SPAG16: variants seen among roughly 807,000 people sequenced by gnomAD.
SPAG16 encodes sperm associated antigen 16, also known as sperm-associated antigen 16 protein.
A neutral mutation model predicts 80.4 loss-of-function variants in SPAG16; 86 were observed. The observed-to-expected ratio is 1.07, with a 90% confidence interval of 0.90 to 1.28. The LOEUF (loss-of-function observed/expected upper bound fraction) is 1.28, where lower values mean the gene tolerates loss of function less well. Ranked by LOEUF, SPAG16 falls within the 50% of genes most tolerant of loss-of-function variation. The pLI is 0.00. For synonymous variants in SPAG16, 294 were observed against 265.9 expected, an observed-to-expected ratio of 1.11 and a Z score of -1.03; for missense variants, 870 against 765.3, an observed-to-expected ratio of 1.14 and a Z score of -1.61.
chr2:213,488,861 G>A (rs1428212493), intron 9 of SPAG16, among the ~76,000 whole-genome samples: 1 of 148,230 alleles, frequency 6.7e-6, no homozygotes, highest in East Asian at 1.9e-4. Flanking sequence ...AGGATCACCT[G>A]AGGTAGGGAG....
chr2:214,059,275 T>TATATAA (rs1205112053), intron 13 of SPAG16, among the ~76,000 whole-genome samples: 10 of 146,592 alleles, frequency 6.8e-5, no homozygotes, highest in Non-Finnish European at 9.0e-5. Flanking sequence ...TATATATATA[T>TATATAA]AATCAAGAAT....
At chr2:213,442,795 C>T (rs542453681) in intron 9 of SPAG16, among the ~76,000 whole-genome samples, 1 of 152,198 alleles carries the variant, frequency 6.6e-6, no homozygotes, top group Non-Finnish European at 1.5e-5. Flanking sequence ...AATGAAATTA[C>T]TAAACTATGA....
intron 10 of SPAG16, among the ~76,000 whole-genome samples, chr2:213,791,771 G>A (rs1014333715): frequency 1.3e-5 from 2 of 152,084 alleles, no homozygotes; most frequent in African/African-American, 4.8e-5. Flanking sequence ...ATCATTTAAT[G>A]GAAAGGATTA....
chr2:214,148,129 A>T (rs2055755207), intron 14 of SPAG16, among the ~76,000 whole-genome samples: 1 of 152,204 alleles, frequency 6.6e-6, no homozygotes, highest in African/African-American at 2.4e-5. Context: ...GATGATTTTA[A>T]TGTGGCCAAT....
chr2:213,334,790 G>T (rs2064270550), intron 5 of SPAG16, among the ~76,000 whole-genome samples: 1 of 152,132 alleles, frequency 6.6e-6, no homozygotes, highest in African/African-American at 2.4e-5. Context: ...GTAGAAGGAT[G>T]GTTGCCAGAG....
intron 10 of SPAG16, among the ~76,000 whole-genome samples, chr2:213,610,844 A>T (rs1435152518): frequency 6.6e-6 from 1 of 152,208 alleles, no homozygotes; most frequent in Non-Finnish European, 1.5e-5. Context: ...CTTAATTACT[A>T]TATTTTGCAA....
rs527633953 is a variant in SPAG16 at position 213,913,985 on chromosome 2, C to G, written c.1215-15975C>G. On this transcript the variant is annotated intron_variant, in intron 11 of 15. Coordinates refer to ENST00000331683, the MANE Select transcript of SPAG16 (RefSeq NM_024532.5). ...AATAATCAGCTTTACTCAACATCTA[C>G]TGATTTATGTGTTTATTTCACCTAA... 6.6e-5 allele frequency among the ~76,000 whole-genome samples: 10 copies of G among 152,252 alleles called. No homozygotes were observed. In the South Asian group the frequency reaches 2.1e-3, roughly 32 times the overall value.
At chr2:213,723,872 C>T (rs1311220269) in intron 10 of SPAG16, among the ~76,000 whole-genome samples, 2 of 152,176 alleles carry the variant, frequency 1.3e-5, no homozygotes, top group South Asian at 2.1e-4. Flanking sequence ...GAATGGTCTT[C>T]CCTGTAAATA....
chr2:214,203,434 C>T (rs2058064793), intron 15 of SPAG16, among the ~76,000 whole-genome samples: 1 of 152,114 alleles, frequency 6.6e-6, no homozygotes, highest in Non-Finnish European at 1.5e-5. Context: ...AGAGAATCCA[C>T]AGACCCTTTG....
At chr2:213,798,265 G>GTTTA (rs946201720) in intron 10 of SPAG16, among the ~76,000 whole-genome samples, 3 of 151,810 alleles carry the variant, frequency 2.0e-5, no homozygotes, top group African/African-American at 7.3e-5. Flanking sequence ...TTGTTTGTTT[G>GTTTA]TTTGTTTTGA....
At chr2:213,819,550 CT>C (rs1009452627) in intron 10 of SPAG16, among the ~76,000 whole-genome samples, 128 of 148,100 alleles carry the variant, frequency 8.6e-4, no homozygotes, top group Non-Finnish European at 1.2e-3. Context: ...TCTTTGAAAA[CT>C]TTTTTTTTTT....
intron 15 of SPAG16, among the ~76,000 whole-genome samples, chr2:214,329,047 TG>T (rs1316899643): frequency 3.3e-5 from 5 of 152,216 alleles, no homozygotes; most frequent in African/African-American, 1.2e-4. Context: ...AATGTAACTT[TG>T]TAGCATCATA....
intron 9 of SPAG16, among the ~76,000 whole-genome samples, chr2:213,407,754 A>G (rs996100361): frequency 1.3e-5 from 2 of 149,160 alleles, no homozygotes; most frequent in African/African-American, 2.5e-5. Flanking sequence ...AGAGGCAGAG[A>G]GAGACAGGAG....
At chr2:214,370,734 G>A (rs1258650901) in intron 15 of SPAG16, among the ~76,000 whole-genome samples, 1 of 152,144 alleles carries the variant, frequency 6.6e-6, no homozygotes, top group Non-Finnish European at 1.5e-5. Context: ...CTGGGGTGGA[G>A]GAAATGGAGA....
chr2:213,649,022 GT>G (rs1338595468), intron 10 of SPAG16, among the ~76,000 whole-genome samples: 2 of 152,172 alleles, frequency 1.3e-5, no homozygotes, highest in Non-Finnish European at 2.9e-5. Flanking sequence ...TGTATGTGTT[GT>G]TAGAAGTATA....
chr2:213,354,022 C>A (rs2065485462), intron 7 of SPAG16, among the ~76,000 whole-genome samples: 1 of 152,136 alleles, frequency 6.6e-6, no homozygotes, highest in Non-Finnish European at 1.5e-5. Flanking sequence ...TCTCTTAATG[C>A]TATCCCTGTC....
chr2:213,422,160 T>C (rs2069633988), intron 9 of SPAG16: 1 of 700,054 alleles, frequency 1.4e-6, no homozygotes, highest in African/African-American at 1.7e-5. Flanking sequence ...AGAGAAGAGC[T>C]GTGGCCCTTC....
intron 10 of SPAG16, among the ~76,000 whole-genome samples, chr2:213,841,968 C>A (rs1553642156): frequency 6.6e-6 from 1 of 152,022 alleles, no homozygotes; most frequent in Non-Finnish European, 1.5e-5. Flanking sequence ...GGGTTGAAAT[C>A]TTCCTACTAA....
intron 9 of SPAG16, among the ~76,000 whole-genome samples, chr2:213,449,700 T>C (rs1038876499): frequency 3.9e-5 from 6 of 152,264 alleles, no homozygotes; most frequent in Non-Finnish European, 8.8e-5. Flanking sequence ...AGGTGCAATA[T>C]CTAGGTAATG....
Sources: gnomAD v4.1 joint callset for allele counts (sites outside exome capture counted in the v4.1 genomes callset) on GRCh38, gnomAD v4.1.1 for gene constraint, MANE v1.5 for transcripts, NCBI Gene and HGNC (gene_info 2026-07-23, HGNC 2026-07-21) for gene names.